BRD8: variants seen among roughly 807,000 people sequenced by gnomAD.
The protein encoded by BRD8 is bromodomain containing 8.
Under a neutral mutation model 143.1 loss-of-function variants are expected in BRD8, and 67 were observed. The observed-to-expected ratio is 0.47, with a 90% CI of 0.38 to 0.57. The LOEUF (loss-of-function observed/expected upper bound fraction) is 0.57, where lower values mean the gene tolerates loss of function less well. BRD8 is among the 20% of genes least tolerant of loss of function. BRD8 has a pLI of 0.00. For missense variants in BRD8, 1,103 were observed against 1,503.0 expected (o/e 0.73, Z 4.40); for synonymous variants, 505 against 517.1 (o/e 0.98, Z 0.32).
rs78811905 is a variant in BRD8 at position 138,165,815 on chromosome 5, G to A, written c.1278+13C>T. On this transcript the variant is annotated intron_variant, in intron 11 of 26. Coordinates refer to ENST00000254900, the MANE Select transcript of BRD8 (RefSeq NM_139199.2). ...GACCCATGAGATTCTCTGGGGCTTC[G>A]CTGAATAGTTACCTTGTCCTCAATG... 9 of 1,608,654 alleles carry A rather than the reference G, an allele frequency of 5.6e-6. No homozygotes were observed. In the East Asian group the frequency reaches 6.7e-5, roughly 12 times the overall value.
chr5:138,142,129 C>T (rs559685591), intron 25 of BRD8, among the ~76,000 whole-genome samples: 1 of 152,254 alleles, frequency 6.6e-6, no homozygotes, highest in South Asian at 2.1e-4. Context: ...TAAAAGGGCT[C>T]CATATCGAAG....
chr5:138,155,615 C>T (rs1319059113), intron 20 of BRD8, among the ~76,000 whole-genome samples: 1 of 151,576 alleles, frequency 6.6e-6, no homozygotes, highest in African/African-American at 2.4e-5. Context: ...TCACTGCAGC[C>T]TCAACCGGCC....
chr5:138,143,780 GGTTT>G (rs1374530944), intron 25 of BRD8, among the ~76,000 whole-genome samples: 13 of 152,088 alleles, frequency 8.5e-5, no homozygotes, highest in Non-Finnish European at 1.8e-4. Context: ...CACCAAAAAA[GGTTT>G]GTAAACGCAC....
chr5:138,142,135 C>T (rs1561596391), intron 25 of BRD8, among the ~76,000 whole-genome samples: 2 of 152,236 alleles, frequency 1.3e-5, no homozygotes, highest in African/African-American at 2.4e-5. Flanking sequence ...GGCTCCATAT[C>T]GAAGAGAGTG....
chr5:138,168,197 A>G (rs1384032409), intron 8 of BRD8, 119 bp from the exon 9 acceptor site: 1 of 755,000 alleles, frequency 1.3e-6, no homozygotes, highest in African/African-American at 1.7e-5. Context: ...TCCACAGAGA[A>G]TAATTTAAGA....
chr5:138,165,709 G>C, intron 11 of BRD8, 119 bp downstream of exon 11: 2 of 1,124,778 alleles, frequency 1.8e-6, no homozygotes, highest in Non-Finnish European at 2.4e-6. Context: ...CTGGATGAAA[G>C]AGCAAGACTC....
chr5:138,154,088 G>T (rs933867496), intron 20 of BRD8, among the ~76,000 whole-genome samples: 10 of 152,148 alleles, frequency 6.6e-5, no homozygotes, highest in Admixed American at 3.9e-4. Flanking sequence ...AGTTTTCTCA[G>T]TGTCCATCCT....
Position 138,164,868 on chromosome 5 carries a change from GCTA to G in BRD8, c.1574_1576del (p.Val525del), listed in dbSNP as rs749913859. 26 of 1,614,192 alleles carry G rather than the reference GCTA, an allele frequency of 1.6e-5. No homozygotes were observed. The Admixed American group carries it at 3.8e-4, about 24-fold the overall frequency. On this transcript the variant is annotated inframe_deletion, in exon 12 of 27. Transcript: ENST00000254900. ...CATACTTGTGGCTGGAACAACTCCAGCTACTATTTCGGCTCCTGAAATGACTGG... is the reference window on the plus strand; with the variant it reads ...CATACTTGTGGCTGGAACAACTCCAGCTATTTCGGCTCCTGAAATGACTGG...
intron 6 of BRD8, 131 bp from the exon 7 acceptor site, chr5:138,170,540 C>T: frequency 2.0e-6 from 2 of 986,564 alleles, no homozygotes; most frequent in Non-Finnish European, 3.2e-6. Flanking sequence ...GGAATTCTAA[C>T]CAGCAAAACA....
chr5:138,142,559 T>C (rs1751950973), intron 25 of BRD8, among the ~76,000 whole-genome samples: 1 of 149,920 alleles, frequency 6.7e-6, no homozygotes, highest in African/African-American at 2.5e-5. Flanking sequence ...GGTCAAGAGA[T>C]TGAGACCATC....
chr5:138,178,289 T>A (rs1754530931), intron 1 of BRD8, among the ~76,000 whole-genome samples: 1 of 152,156 alleles, frequency 6.6e-6, no homozygotes, highest in African/African-American at 2.4e-5. Flanking sequence ...TCCGTCTGGC[T>A]CATAACATCT....
At chr5:138,155,064 CA>C (rs1329205678) in intron 20 of BRD8, among the ~76,000 whole-genome samples, 1 of 152,064 alleles carries the variant, frequency 6.6e-6, no homozygotes, top group East Asian at 2.0e-4. Context: ...CTACTGACCT[CA>C]AGTGATCCGC....
chr5:138,163,391 A>G, intron 14 of BRD8, 47 bp from the exon 15 acceptor site: 2 of 1,592,678 alleles, frequency 1.3e-6, no homozygotes, highest in Non-Finnish European at 1.7e-6. Context: ...AAAGCTATCC[A>G]GCAAAGCATC....
At chr5:138,147,757 G>A (rs1752211379) in intron 23 of BRD8, among the ~76,000 whole-genome samples, 1 of 152,140 alleles carries the variant, frequency 6.6e-6, no homozygotes, top group Non-Finnish European at 1.5e-5. Flanking sequence ...TCAATGTGAT[G>A]AAACCCTGTC....
intron 20 of BRD8, chr5:138,157,320 G>C: frequency 6.2e-7 from 1 of 1,609,660 alleles, no homozygotes; most frequent in Non-Finnish European, 8.5e-7. Flanking sequence ...GGAGACAAGA[G>C]ACGGTGCAAC....
chr5:138,164,598 A>G (rs946091803), intron 12 of BRD8, 116 bp downstream of exon 12: 155 of 1,265,526 alleles, frequency 1.2e-4, no homozygotes, highest in Non-Finnish European at 1.6e-4. Flanking sequence ...TGGGCTTTGG[A>G]CACATCAAAC....
chr5:138,171,492 G>A, intron 3 of BRD8, 82 bp from the exon 4 acceptor site: 2 of 912,722 alleles, frequency 2.2e-6, no homozygotes, highest in Non-Finnish European at 3.5e-6. Flanking sequence ...AGAGATTAGA[G>A]TAAGATTTAG....
chr5:138,155,621 C>T (rs531303653), intron 20 of BRD8, among the ~76,000 whole-genome samples: 3 of 147,568 alleles, frequency 2.0e-5, no homozygotes, highest in African/African-American at 5.0e-5. Flanking sequence ...CAGCCTCAAC[C>T]GGCCAGGGTT....
chr5:138,163,694 G>C, intron 14 of BRD8: 2 of 1,247,126 alleles, frequency 1.6e-6, no homozygotes, highest in Non-Finnish European at 2.1e-6. Flanking sequence ...TCATTTGATG[G>C]AGCAAGCTCA....
Sources: allele counts gnomAD v4.1 joint callset (sites outside exome capture counted in the v4.1 genomes callset), GRCh38; gene constraint gnomAD v4.1.1; transcripts MANE v1.5; gene names NCBI Gene and HGNC (gene_info 2026-07-23, HGNC 2026-07-21).